The following UBE2O variants were observed in gnomAD, a reference collection of about 807,000 sequenced individuals.
The protein encoded by UBE2O is (E3-independent) E2 ubiquitin-conjugating enzyme.
A neutral mutation model predicts 125.8 loss-of-function variants in UBE2O; 15 were observed. The ratio of observed to expected loss-of-function variants is 0.12; its 90% confidence interval spans 0.08 to 0.18. The LOEUF is 0.18. Among genes scored for constraint, UBE2O ranks in the 10% least tolerant of loss-of-function variants. The probability of loss-of-function intolerance (pLI) is 1.00; values close to 1 mark genes in which losing one functional copy is unlikely to be tolerated. For synonymous variants in UBE2O, 708 were observed against 703.2 expected, an observed-to-expected ratio of 1.01 and a Z score of -0.11; for missense variants, 1,280 against 1,723.6, an observed-to-expected ratio of 0.74 and a Z score of 4.56.
intron 1 of UBE2O, among the ~76,000 whole-genome samples, chr17:76,414,763 G>C (rs2143772494): frequency 6.6e-6 from 1 of 152,354 alleles, no homozygotes; most frequent in Admixed American, 6.5e-5. Context: ...CCAGCGGGCT[G>C]GTCTCTGCAG....
chr17:76,412,788 T>A (rs1449959732), intron 1 of UBE2O, among the ~76,000 whole-genome samples: 1 of 152,124 alleles, frequency 6.6e-6, no homozygotes, highest in Non-Finnish European at 1.5e-5. Flanking sequence ...GGCAGACAGA[T>A]CACAAGGTCA....
Position 76,391,477 on chromosome 17 carries a change from C to T in UBE2O, c.3345G>A (p.Leu1115=). ...LIRVVQSMTQ[L]VRRPPEVFEQ... ...CAAAGACCTCGGGGGGCCGCCGCAC[C>T]AGCTGGGTCATGGACTGCACCACGC... Residue 1115 remains leucine, a synonymous_variant, in exon 18 of 18, where the codon CTG becomes CTA. Coordinates refer to ENST00000319380, the MANE Select transcript of UBE2O (RefSeq NM_022066.4). The surrounding 1 kb of genome is among the most constrained non-coding windows in gnomAD (Gnocchi z 8.4). The T allele has an allele frequency of 6.2e-7, 1 of 1,613,876 alleles. No homozygotes were observed. Among genetic ancestry groups the T allele is most frequent in the South Asian group, 1.1e-5 (1 of 91,080 alleles).
rs564966472 is a variant in UBE2O, at chr17:76,400,363, C to T, written c.1005-66G>A. ...TGGGAGGCCAGCAGTGTTCTTAAGC[C>T]TCCCCAGGCATGTGACCAGGGCCCA... On this transcript the variant is annotated intron_variant, in intron 7 of 17. Coordinates refer to ENST00000319380, the MANE Select transcript of UBE2O (RefSeq NM_022066.4). The surrounding 1 kb of genome is among the most constrained non-coding windows in gnomAD (Gnocchi z 4.3). 65 of 1,596,712 alleles carry T rather than the reference C, an allele frequency of 4.1e-5. No homozygotes were observed. In the African/African-American group the frequency reaches 8.2e-4, roughly 20 times the overall value.
chr17:76,425,615 T>A (rs1219929676), intron 1 of UBE2O, among the ~76,000 whole-genome samples: 1 of 152,206 alleles, frequency 6.6e-6, no homozygotes, highest in Non-Finnish European at 1.5e-5. Flanking sequence ...CTGTACTCCA[T>A]CCTTTCAACA....
intron 1 of UBE2O, among the ~76,000 whole-genome samples, chr17:76,445,771 C>T (rs2073140764): frequency 6.6e-6 from 1 of 152,238 alleles, no homozygotes; most frequent in South Asian, 2.1e-4. Flanking sequence ...ACAGCAAATT[C>T]CAATAAGCAT....
In UBE2O at chr17:76,400,644, G is replaced by A; in HGVS notation, c.895-94C>T. 5 of 813,814 alleles carry A rather than the reference G, an allele frequency of 6.1e-6. No homozygotes were observed. Among genetic ancestry groups the A allele is most frequent in the South Asian group, 1.7e-5 (1 of 60,388 alleles). 50.4% of individuals were successfully genotyped at this position (813,814 alleles called of 1,614,324 possible). On this transcript the variant is annotated intron_variant, in intron 6 of 17. Coordinates refer to ENST00000319380, the MANE Select transcript of UBE2O (RefSeq NM_022066.4). This position sits in a 1 kb window ranked among gnomAD's most constrained non-coding sequence, Gnocchi z 4.3. ...AAAGCCCACTTGACCTCCAGAGCAG[G>A]AAACTGATCTTCCTAGTGCAGCACC...
chr17:76,400,470 G>A lies in UBE2O; in HGVS notation c.975C>T (p.Pro325=), dbSNP rs750033867. ...PGGTDSVSPP[P]SVITQENLGR... ...CTAGGTTTTCCTGGGTGATGACAGA[G>A]GGTGGGGGGCTGACGCTGTCCGTGC... is the stretch of plus-strand genomic sequence containing the variant. The change falls in exon 7 of 18, where the codon CCC becomes CCT. Residue 325 remains proline, a synonymous_variant. Coordinates refer to ENST00000319380, the MANE Select transcript of UBE2O (RefSeq NM_022066.4). The surrounding 1 kb of genome is among the most constrained non-coding windows in gnomAD (Gnocchi z 4.3). 6.2e-7 allele frequency: 1 copy of A among 1,612,850 alleles called. No individual in the cohort carries two copies. Among genetic ancestry groups the A allele is most frequent in the Non-Finnish European group, 8.5e-7 (1 of 1,179,594 alleles).
Position 76,402,898 on chromosome 17 carries a change from T to G in UBE2O, c.589-199A>C, listed in dbSNP as rs984537484. On this transcript the variant is annotated intron_variant, in intron 3 of 17. Coordinates refer to ENST00000319380, the MANE Select transcript of UBE2O (RefSeq NM_022066.4). This position sits in a 1 kb window ranked among gnomAD's most constrained non-coding sequence, Gnocchi z 5.4. ...TTCTAGGCTGCATCCCAGCTGCTCT[T>G]CCCAGTGAGGAGGAAGTGGTGGTGG... 2.6e-5 allele frequency among the ~76,000 whole-genome samples: 4 copies of G among 152,024 alleles called. No homozygotes were observed. Among genetic ancestry groups the G allele is most frequent in the African/African-American group, 9.7e-5 (4 of 41,390 alleles).
Position 76,452,717 on chromosome 17 carries a change from C to T in UBE2O, c.417+8G>A, listed in dbSNP as rs781007644. 1.4e-6 allele frequency: 2 copies of T among 1,404,232 alleles called. No individual in the cohort carries two copies. The highest frequency in any genetic ancestry group is 1.8e-6 in the Non-Finnish European group (2 of 1,088,770). The allele number at this position is 1,404,232 out of a possible 1,614,324, so 87.0% of individuals were successfully genotyped here. A position where few individuals can be genotyped will look rare whatever the true frequency, so the allele number is the denominator to read the frequency against. ...CCGCCCGCGCCGCCCAGCCCCCGCCCGCCGCACCTTGGTCTCCTTCACATG... is the reference window on the plus strand; with the variant it reads ...CCGCCCGCGCCGCCCAGCCCCCGCCTGCCGCACCTTGGTCTCCTTCACATG... On this transcript the variant is annotated splice_region_variant and intron_variant, in intron 1 of 17. Coordinates refer to ENST00000319380, the MANE Select transcript of UBE2O (RefSeq NM_022066.4). This position sits in a 1 kb window ranked among gnomAD's most constrained non-coding sequence, Gnocchi z 4.4.
chr17:76,423,807 G>A (rs889466435), intron 1 of UBE2O, among the ~76,000 whole-genome samples: 3 of 151,496 alleles, frequency 2.0e-5, no homozygotes, highest in Admixed American at 6.6e-5. Flanking sequence ...GGTGGCCTAC[G>A]GCACAGTGTC....
chr17:76,435,033 C>G (rs1306653022), intron 1 of UBE2O, among the ~76,000 whole-genome samples: 2 of 152,016 alleles, frequency 1.3e-5, no homozygotes, highest in Admixed American at 6.5e-5. Context: ...AGCCCAACAG[C>G]CTGGCACAAA....
chr17:76,416,004 T>C (rs2072602418), intron 1 of UBE2O, among the ~76,000 whole-genome samples: 1 of 145,978 alleles, frequency 6.9e-6, no homozygotes, highest in East Asian at 2.0e-4. Context: ...CGTATATACG[T>C]ATGTGTATAC....
chr17:76,402,559 C>G lies in UBE2O; in HGVS notation c.686+43G>C, dbSNP rs1308427162. 1.3e-6 allele frequency: 2 copies of G among 1,547,816 alleles called. No homozygotes were observed. Among genetic ancestry groups the G allele is most frequent in the Non-Finnish European group, 1.8e-6 (2 of 1,119,598 alleles). Reference sequence around the variant, plus strand: ...CTCCTCCTCCCCTCTTTCCAAGAGGCTATCCTTCCCAAGCCGATGGCTCTC... The same window carrying G: ...CTCCTCCTCCCCTCTTTCCAAGAGGGTATCCTTCCCAAGCCGATGGCTCTC... On this transcript the variant is annotated intron_variant, in intron 4 of 17. Transcript: ENST00000319380. The surrounding 1 kb of genome is among the most constrained non-coding windows in gnomAD (Gnocchi z 5.4).
At position 76,453,032 on chromosome 17, in the gene UBE2O, G is replaced by A. The variant is rs964162594; in HGVS notation, c.110C>T (p.Ala37Val). The A allele has an allele frequency of 2.1e-6, 3 of 1,433,762 alleles. No homozygotes were observed. The Admixed American group carries it at 9.5e-5, about 45-fold the overall frequency. 88.8% of individuals were successfully genotyped at this position (1,433,762 alleles called of 1,614,324 possible). A position where few individuals can be genotyped will look rare whatever the true frequency, so the allele number is the denominator to read the frequency against. Residue 37 changes from alanine to valine, a missense_variant, in exon 1 of 18, where the codon GCG becomes GTG. Physicochemically the swap from Ala to Val is moderately conservative, Grantham distance 64 (BLOSUM62 0). Transcript: ENST00000319380. ...APAAAPVPAPAPASDSASGPS... is the reference protein window; with the variant it reads ...APAAAPVPAPVPASDSASGPS... ...CCCGGAGGCCGAGTCCGAGGCGGGC[G>A]CCGGCGCCGGGACGGGGGCTGCGGC...
intron 1 of UBE2O, among the ~76,000 whole-genome samples, chr17:76,450,434 C>T (rs905590679): frequency 3.9e-5 from 6 of 152,132 alleles, no homozygotes; most frequent in African/African-American, 1.4e-4. Context: ...TATCTTGCCA[C>T]CCATAAATGG....
In UBE2O at chr17:76,389,757, G is replaced by A. The variant is rs2072070345; in HGVS notation, c.*1186C>T. On this transcript the variant is annotated 3_prime_UTR_variant, in exon 18 of 18. Coordinates refer to ENST00000319380, the MANE Select transcript of UBE2O (RefSeq NM_022066.4). Reference sequence around the variant, plus strand: ...GCGGTCACAGCACAGCACAGGTGTGGAGCCCACTTAAGGCTGACAAGACGC... The same window carrying A: ...GCGGTCACAGCACAGCACAGGTGTGAAGCCCACTTAAGGCTGACAAGACGC... 1 of 152,152 alleles carries A rather than the reference G, an allele frequency of 6.6e-6. No individual in the cohort carries two copies. Among genetic ancestry groups the A allele is most frequent in the Non-Finnish European group, 1.5e-5 (1 of 68,028 alleles). 9.4% of individuals were successfully genotyped at this position (152,152 alleles called of 1,614,324 possible).
chr17:76,405,175 A>C lies in UBE2O; in HGVS notation c.588+31T>G. The C allele has an allele frequency of 6.5e-7, 1 of 1,533,938 alleles. No homozygotes were observed. Among genetic ancestry groups the C allele is most frequent in the South Asian group, 1.2e-5 (1 of 85,502 alleles). On this transcript the variant is annotated intron_variant, in intron 3 of 17. Transcript: ENST00000319380. The surrounding 1 kb of genome is among the most constrained non-coding windows in gnomAD (Gnocchi z 6.1). ...CCGCCGAGAGAACCAGAGGGCCCAG[A>C]AAGGATGATGAGAAGACAGGGCCGG... is the stretch of plus-strand genomic sequence containing the variant.
rs949319308 is a variant in UBE2O at position 76,395,676 on chromosome 17, T to C, written c.2946+49A>G. On this transcript the variant is annotated intron_variant, in intron 15 of 17. Coordinates refer to ENST00000319380, the MANE Select transcript of UBE2O (RefSeq NM_022066.4). This position sits in a 1 kb window ranked among gnomAD's most constrained non-coding sequence, Gnocchi z 5.0. ...CCAAGGTTGGTGGCCTCTTGGGCAC[T>C]GGGTGCCCACACAGCACATCTGCAC... The C allele has an allele frequency of 6.4e-7, 1 of 1,569,656 alleles. No homozygotes were observed. Among genetic ancestry groups the C allele is most frequent in the African/African-American group, 1.4e-5 (1 of 72,832 alleles).
intron 1 of UBE2O, among the ~76,000 whole-genome samples, chr17:76,437,165 A>G (rs2073009597): frequency 6.7e-6 from 1 of 149,308 alleles, no homozygotes; most frequent in African/African-American, 2.5e-5. Context: ...AAAAAAAAAA[A>G]GGTGGCAGGG....
Sources: gnomAD v4.1 joint callset for allele counts (sites outside exome capture counted in the v4.1 genomes callset) on GRCh38, gnomAD v4.1.1 for gene constraint, Gnocchi (gnomAD v3.1) non-coding constraint, MANE v1.5 for transcripts, NCBI Gene and HGNC (gene_info 2026-07-23, HGNC 2026-07-21) for gene names.